The following ANKRD17 variants were observed in gnomAD, a reference collection of about 807,000 sequenced individuals.
The protein encoded by ANKRD17 is ankyrin repeat domain 17.
A neutral mutation model predicts 229.7 loss-of-function variants in ANKRD17; 19 were observed. That is an observed-to-expected ratio of 0.08 (90% CI 0.06 to 0.12). The LOEUF (loss-of-function observed/expected upper bound fraction) is 0.12, where lower values mean the gene tolerates loss of function less well. Ranked by LOEUF, ANKRD17 falls within the 10% of genes least tolerant of loss-of-function variation. ANKRD17 has a pLI of 1.00. For synonymous variants in ANKRD17, 1,112 were observed against 1,146.1 expected (o/e 0.97, Z 0.60); for missense variants, 2,176 against 3,176.8 (o/e 0.68, Z 7.57).
At chr4:73,084,876 T>A (rs75290566) in intron 30 of ANKRD17, among the ~76,000 whole-genome samples, 1,913 of 152,140 alleles carry the variant, frequency 0.013, 46 homozygotes, top group African/African-American at 0.044. Context: ...AGGATTAATT[T>A]TTTTCCCCCA....
At chr4:73,227,941 T>A (rs1341368491) in intron 1 of ANKRD17, among the ~76,000 whole-genome samples, 1 of 152,112 alleles carries the variant, frequency 6.6e-6, no homozygotes, top group Non-Finnish European at 1.5e-5. Flanking sequence ...ATCAATTTTT[T>A]AACTTAGGGA....
intron 1 of ANKRD17, chr4:73,222,945 T>A: frequency 6.7e-7 from 1 of 1,490,378 alleles, no homozygotes; most frequent in South Asian, 1.2e-5. Context: ...AGATTTCAAC[T>A]TTCATTTCAC....
intron 16 of ANKRD17, among the ~76,000 whole-genome samples, chr4:73,127,752 T>C (rs897836198): frequency 6.6e-6 from 1 of 152,336 alleles, no homozygotes; most frequent in African/African-American, 2.4e-5. Context: ...CAAGGGACTA[T>C]ATATGTAGCA....
At chr4:73,100,623 T>A (rs1723857473) in intron 25 of ANKRD17, among the ~76,000 whole-genome samples, 1 of 152,086 alleles carries the variant, frequency 6.6e-6, no homozygotes, top group Admixed American at 6.6e-5. Flanking sequence ...TTCTGGGAGA[T>A]ACATAATCAA....
intron 16 of ANKRD17, among the ~76,000 whole-genome samples, chr4:73,133,584 G>A (rs1728518920): frequency 6.6e-6 from 1 of 151,792 alleles, no homozygotes; most frequent in Admixed American, 6.6e-5. Flanking sequence ...AGTAGAGATG[G>A]GGTTTCACCA....
At chr4:73,242,304 T>C (rs1287210997) in intron 1 of ANKRD17, among the ~76,000 whole-genome samples, 1 of 152,112 alleles carries the variant, frequency 6.6e-6, no homozygotes, top group Non-Finnish European at 1.5e-5. Flanking sequence ...TGCCAATCAA[T>C]AGCTTCCTAT....
At chr4:73,130,857 G>T (rs2148756158) in intron 16 of ANKRD17, among the ~76,000 whole-genome samples, 1 of 152,000 alleles carries the variant, frequency 6.6e-6, no homozygotes, top group South Asian at 2.1e-4. Context: ...ATTAACTTGT[G>T]GTATTCAGTT....
intron 21 of ANKRD17, among the ~76,000 whole-genome samples, chr4:73,119,875 T>C (rs1159446585): frequency 6.6e-6 from 1 of 152,180 alleles, no homozygotes; most frequent in East Asian, 1.9e-4. Flanking sequence ...GGGATGTAAG[T>C]ATGTCTGATA....
At chr4:73,225,953 G>A (rs375064753) in intron 1 of ANKRD17, among the ~76,000 whole-genome samples, 4 of 148,598 alleles carry the variant, frequency 2.7e-5, no homozygotes, top group African/African-American at 9.9e-5. Flanking sequence ...CAGCACTCTG[G>A]CATAGAGCAG....
intron 1 of ANKRD17, among the ~76,000 whole-genome samples, chr4:73,211,844 T>C (rs1740312922): frequency 7.8e-6 from 1 of 128,466 alleles, no homozygotes; most frequent in Admixed American, 8.2e-5. Context: ...CAAAACTCTG[T>C]CTCAAAAAAA....
At chr4:73,223,408 T>A (rs1742117395) in intron 1 of ANKRD17, among the ~76,000 whole-genome samples, 1 of 152,228 alleles carries the variant, frequency 6.6e-6, no homozygotes. Flanking sequence ...CAGCAATTTA[T>A]CCTTAGTAAA....
At chr4:73,256,960 A>G (rs1244430517) in intron 1 of ANKRD17, among the ~76,000 whole-genome samples, 1 of 152,264 alleles carries the variant, frequency 6.6e-6, no homozygotes, top group South Asian at 2.1e-4. Flanking sequence ...ACAAATAGAC[A>G]TGTGTCAAAT....
intron 1 of ANKRD17, among the ~76,000 whole-genome samples, chr4:73,216,581 G>T (rs528426541): frequency 6.6e-6 from 1 of 152,288 alleles, no homozygotes; most frequent in South Asian, 2.1e-4. Flanking sequence ...TGTTTATGCA[G>T]ATTACTTCAT....
chr4:73,169,869 G>A (rs1257600572), intron 2 of ANKRD17, among the ~76,000 whole-genome samples: 1 of 152,188 alleles, frequency 6.6e-6, no homozygotes, highest in Admixed American at 6.5e-5. Flanking sequence ...CTCGTGGAGG[G>A]AGCTTTTGGA....
intron 1 of ANKRD17, among the ~76,000 whole-genome samples, chr4:73,187,765 C>T (rs1430067221): frequency 6.6e-6 from 1 of 152,172 alleles, no homozygotes; most frequent in African/African-American, 2.4e-5. Flanking sequence ...ACATCCTCCA[C>T]TGTTAACAGA....
Position 73,258,514 on chromosome 4 carries a change from CGAG to C in ANKRD17, c.152_154del (p.Pro51del). On this transcript the variant is annotated inframe_deletion, in exon 1 of 34. Transcript: ENST00000358602. ...CAGGTCGCAGACTCGCACCATCCCA[CGAG>C]GAGACGAGGCCGAGCGAGCTCTGCT... 2 of 1,545,526 alleles carry C rather than the reference CGAG, an allele frequency of 1.3e-6. No homozygotes were observed. Among genetic ancestry groups the C allele is most frequent in the South Asian group, 1.2e-5 (1 of 85,088 alleles).
chr4:73,180,198 G>A (rs1735363661), intron 1 of ANKRD17, among the ~76,000 whole-genome samples: 1 of 151,946 alleles, frequency 6.6e-6, no homozygotes. Flanking sequence ...GTTCAAAGGA[G>A]ACACTGCATG....
chr4:73,225,866 A>AAC (rs1433674414), intron 1 of ANKRD17, among the ~76,000 whole-genome samples: 3 of 133,346 alleles, frequency 2.2e-5, no homozygotes, highest in Non-Finnish European at 4.7e-5. Context: ...TGTCTCAAAA[A>AAC]AAAAAAAAAA....
chr4:73,081,341 G>A (rs1721537970), intron 30 of ANKRD17, among the ~76,000 whole-genome samples: 1 of 152,158 alleles, frequency 6.6e-6, no homozygotes, highest in African/African-American at 2.4e-5. Context: ...CCATGAGTGA[G>A]AGACCACAAA....
Sources: allele counts gnomAD v4.1 joint callset (sites outside exome capture counted in the v4.1 genomes callset), GRCh38; gene constraint gnomAD v4.1.1; transcripts MANE v1.5; gene names NCBI Gene and HGNC (gene_info 2026-07-23, HGNC 2026-07-21).